Variants in GNG4 observed in about 807,000 individuals in gnomAD.
The protein encoded by GNG4 is G protein subunit gamma 4, also known as guanine nucleotide-binding protein G(I)/G(S)/G(O) subunit gamma-4.
Under a neutral mutation model 5.8 loss-of-function variants are expected in GNG4, and 4 were observed. That is an observed-to-expected ratio of 0.69 (90% CI 0.34 to 1.57). The LOEUF (loss-of-function observed/expected upper bound fraction) is 1.57, where lower values mean the gene tolerates loss of function less well. Among genes scored for constraint, GNG4 ranks in the 40% most tolerant of loss-of-function variants. The probability of loss-of-function intolerance (pLI) is 0.06; values close to 1 mark genes in which losing one functional copy is unlikely to be tolerated. For synonymous variants in GNG4, 29 were observed against 32.9 expected (o/e 0.88, Z 0.41); for missense variants, 96 against 95.1 (o/e 1.01, Z -0.04).
At chr1:235,599,297 TGTC>T (rs1367354994) in intron 1 of GNG4, among the ~76,000 whole-genome samples, 3 of 148,218 alleles carry the variant, frequency 2.0e-5, no homozygotes, top group Non-Finnish European at 4.4e-5. Context: ...GTTTTTTTGT[TGTC>T]GTTGTTTGTT....
intron 1 of GNG4, among the ~76,000 whole-genome samples, chr1:235,632,177 C>T (rs1018416265): frequency 7.9e-5 from 12 of 152,288 alleles, no homozygotes; most frequent in African/African-American, 2.6e-4. Context: ...CCTTAAACTC[C>T]TCCTGGGCTC....
chr1:235,571,217 TA>T (rs1687334214), intron 3 of GNG4, among the ~76,000 whole-genome samples: 1 of 152,204 alleles, frequency 6.6e-6, no homozygotes. Context: ...CAATGAAATG[TA>T]TGTTAAAATA....
At chr1:235,570,198 C>T (rs147368093) in intron 3 of GNG4, among the ~76,000 whole-genome samples, 1 of 152,288 alleles carries the variant, frequency 6.6e-6, no homozygotes, top group East Asian at 1.9e-4. Flanking sequence ...CTATCAGCTT[C>T]TAATTGCTTC....
At chr1:235,590,866 C>T (rs1210065127) in intron 2 of GNG4, among the ~76,000 whole-genome samples, 1 of 152,150 alleles carries the variant, frequency 6.6e-6, no homozygotes, top group Non-Finnish European at 1.5e-5. Flanking sequence ...TTGCATGGGA[C>T]GCATAGGATG....
At position 235,547,819 on chromosome 1, in the gene GNG4, A is replaced by C. The variant is rs1441190946; in HGVS notation, c.*4290T>G. On this transcript the variant is annotated 3_prime_UTR_variant, in exon 4 of 4. Transcript: ENST00000391854. ...GTAACCGGCAACCAGATCAAGAAAC[A>C]GAACACCCCAGAAGCACCACCTCAT... 3.3e-5 allele frequency: 5 copies of C among 152,242 alleles called. No individual in the cohort carries two copies. The highest frequency in any genetic ancestry group is 7.3e-5 in the Non-Finnish European group (5 of 68,074). 9.4% of individuals were successfully genotyped at this position (152,242 alleles called of 1,614,324 possible).
intron 2 of GNG4, among the ~76,000 whole-genome samples, chr1:235,588,551 C>T (rs1356194369): frequency 6.6e-6 from 1 of 152,154 alleles, no homozygotes; most frequent in Non-Finnish European, 1.5e-5. Flanking sequence ...CCCAACTCCT[C>T]CCCTCTCCAC....
intron 3 of GNG4, among the ~76,000 whole-genome samples, chr1:235,579,232 C>T (rs530792795): frequency 2.0e-5 from 3 of 151,914 alleles, no homozygotes; most frequent in Admixed American, 6.6e-5. Flanking sequence ...GTTCTCACCA[C>T]AGAAAACTAA....
At chr1:235,580,755 T>TG in intron 3 of GNG4, among the ~76,000 whole-genome samples, 1 of 147,930 alleles carries the variant, frequency 6.8e-6, no homozygotes. Context: ...TGTTTTTTTT[T>TG]TTTTTTTTTT....
At chr1:235,555,189 G>A (rs748467600) in intron 3 of GNG4, among the ~76,000 whole-genome samples, 5 of 152,092 alleles carry the variant, frequency 3.3e-5, no homozygotes, top group African/African-American at 9.7e-5. Flanking sequence ...GCCAGGAGAC[G>A]GGGCATCTGA....
chr1:235,572,494 T>A (rs1202657729), intron 3 of GNG4, among the ~76,000 whole-genome samples: 1 of 105,390 alleles, frequency 9.5e-6, no homozygotes, highest in African/African-American at 4.7e-5. Flanking sequence ...GCCACCGTGC[T>A]CTTTTTTTTT....
chr1:235,616,919 T>TC (rs1182825725), intron 1 of GNG4, among the ~76,000 whole-genome samples: 1 of 136,166 alleles, frequency 7.3e-6, no homozygotes, highest in African/African-American at 3.4e-5. Flanking sequence ...TTTTTTTTTT[T>TC]TTTTTTTCAG....
At chr1:235,587,737 C>G (rs67904247) in intron 2 of GNG4, among the ~76,000 whole-genome samples, 1 of 107,558 alleles carries the variant, frequency 9.3e-6, no homozygotes, top group South Asian at 3.7e-4. Context: ...GGTCAGGGTT[C>G]AGGGTGGGGG....
intron 1 of GNG4, among the ~76,000 whole-genome samples, chr1:235,621,100 T>C (rs919772099): frequency 6.6e-6 from 1 of 151,878 alleles, no homozygotes; most frequent in African/African-American, 2.4e-5. Context: ...TTTTGGGGGC[T>C]ATTCCTCATT....
chr1:235,552,875 C>T (rs549486434), intron 3 of GNG4, among the ~76,000 whole-genome samples: 45 of 152,116 alleles, frequency 3.0e-4, no homozygotes, highest in Non-Finnish European at 6.3e-4. Flanking sequence ...GATGCTCCTG[C>T]CTCAGTCTCC....
chr1:235,557,063 G>A (rs867985464), intron 3 of GNG4, among the ~76,000 whole-genome samples: 10 of 152,080 alleles, frequency 6.6e-5, no homozygotes, highest in South Asian at 2.1e-4. Context: ...TTGCTCACCC[G>A]CTGCTCACTT....
At chr1:235,598,824 C>T (rs979823372) in intron 1 of GNG4, among the ~76,000 whole-genome samples, 6 of 151,528 alleles carry the variant, frequency 4.0e-5, no homozygotes, top group African/African-American at 1.5e-4. Flanking sequence ...CTCCTAGGTT[C>T]AAGTGACTCT....
chr1:235,553,581 T>C (rs931388157), intron 3 of GNG4, among the ~76,000 whole-genome samples: 11 of 152,238 alleles, frequency 7.2e-5, no homozygotes, highest in African/African-American at 2.7e-4. Context: ...ACAGAGATTC[T>C]TCTGATTTTC....
intron 1 of GNG4, among the ~76,000 whole-genome samples, chr1:235,618,226 G>T (rs1688637825): frequency 6.6e-6 from 1 of 152,186 alleles, no homozygotes; most frequent in Non-Finnish European, 1.5e-5. Flanking sequence ...TTGCAGAATG[G>T]CAGCCCAGTG....
intron 3 of GNG4, among the ~76,000 whole-genome samples, chr1:235,554,205 T>C (rs1239063452): frequency 6.6e-6 from 1 of 152,072 alleles, no homozygotes; most frequent in Non-Finnish European, 1.5e-5. Flanking sequence ...ACTTGGGAGA[T>C]TGAGCCCTCC....
Sources: gnomAD v4.1 joint callset for allele counts (sites outside exome capture counted in the v4.1 genomes callset) on GRCh38, gnomAD v4.1.1 for gene constraint, MANE v1.5 for transcripts, NCBI Gene and HGNC (gene_info 2026-07-23, HGNC 2026-07-21) for gene names.